MTSS1: variants seen among roughly 807,000 people sequenced by gnomAD.
MTSS1 encodes the protein protein MTSS 1.
In MTSS1, 18 loss-of-function variants were observed where a neutral mutation model predicts 79.0. That is an observed-to-expected ratio of 0.23 (90% CI 0.16 to 0.34). The LOEUF (loss-of-function observed/expected upper bound fraction) is 0.34. Among genes scored for constraint, MTSS1 ranks in the 10% least tolerant of loss-of-function variants. The pLI is 1.00. For missense variants in MTSS1, 815 were observed against 986.2 expected (o/e 0.83, Z 2.33); for synonymous variants, 341 against 368.6 (o/e 0.93, Z 0.86).
chr8:124,555,535 T>C (rs765971566), intron 13 of MTSS1, among the ~76,000 whole-genome samples: 5 of 152,190 alleles, frequency 3.3e-5, no homozygotes, highest in Non-Finnish European at 4.4e-5. Flanking sequence ...CGTGAGCCAC[T>C]GCGCCCGACC....
At chr8:124,658,842 G>A (rs1049297012) in intron 3 of MTSS1, among the ~76,000 whole-genome samples, 1 of 152,138 alleles carries the variant, frequency 6.6e-6, no homozygotes, top group Non-Finnish European at 1.5e-5. Flanking sequence ...CATGAGATTT[G>A]GGCAGGGACA....
chr8:124,609,059 G>GGGCTAGAATGTTTCACC (rs1835325638), intron 3 of MTSS1, among the ~76,000 whole-genome samples: 1 of 152,172 alleles, frequency 6.6e-6, no homozygotes, highest in Admixed American at 6.5e-5. Flanking sequence ...GGAGTGAAAG[G>GGGCTAGAATGTTTCACC]GGCTAGAATG....
Position 124,591,330 on chromosome 8 carries a change from C to T in MTSS1, c.209-95G>A, listed in dbSNP as rs1587061017. ...TTTACAAACAAGTCAGATTTCACCACATTGTAAAATATAAGCCACCATCTT... is the reference window on the plus strand; with the variant it reads ...TTTACAAACAAGTCAGATTTCACCATATTGTAAAATATAAGCCACCATCTT... On this transcript the variant is annotated intron_variant, in intron 3 of 13. Coordinates refer to ENST00000518547, the MANE Select transcript of MTSS1 (RefSeq NM_014751.6). 1.2e-4 allele frequency: 122 copies of T among 1,014,048 alleles called. 3 individuals carry two copies. In the South Asian group the frequency reaches 1.5e-3, roughly 13 times the overall value. 62.8% of individuals were successfully genotyped at this position (1,014,048 alleles called of 1,614,324 possible).
rs747243821 is a variant in MTSS1 at position 124,572,743 on chromosome 8, C to CTTTTTTTTT, written c.461-4216_461-4208dup. Among the ~76,000 whole-genome samples, 13 of 123,670 alleles carry CTTTTTTTTT rather than the reference C, an allele frequency of 1.1e-4. 1 individual carries two copies. The highest frequency in any genetic ancestry group is 2.6e-4 in the South Asian group (1 of 3,792). 81.1% of individuals were successfully genotyped at this position (123,670 alleles called of 152,430 possible). A position where few individuals can be genotyped will look rare whatever the true frequency, so the allele number is the denominator to read the frequency against. The stretch of plus-strand genomic sequence containing the variant: ...TGGGCTACTTTCTTTCTTTTCTTTT[C>CTTTTTTTTT]TTTTTTTTTTTTTTTTTGAGACAGA... On this transcript the variant is annotated intron_variant, in intron 6 of 13. Coordinates refer to ENST00000518547, the MANE Select transcript of MTSS1 (RefSeq NM_014751.6).
chr8:124,713,835 C>T (rs777519957), intron 1 of MTSS1, among the ~76,000 whole-genome samples: 7 of 150,962 alleles, frequency 4.6e-5, no homozygotes, highest in Non-Finnish European at 8.9e-5. Context: ...GCTGCCTCGA[C>T]TTCCCAGGCC....
intron 3 of MTSS1, among the ~76,000 whole-genome samples, chr8:124,647,513 C>T (rs1415636671): frequency 6.6e-6 from 1 of 152,070 alleles, no homozygotes; most frequent in African/African-American, 2.4e-5. Context: ...AGTCACCATG[C>T]TATACAATAG....
chr8:124,660,947 A>T (rs1173814653), intron 3 of MTSS1, among the ~76,000 whole-genome samples: 1 of 152,218 alleles, frequency 6.6e-6, no homozygotes, highest in Admixed American at 6.5e-5. Context: ...GCACACGTAC[A>T]CACACGCACA....
At chr8:124,723,307 T>C (rs1029746851) in intron 1 of MTSS1, among the ~76,000 whole-genome samples, 5 of 152,206 alleles carry the variant, frequency 3.3e-5, no homozygotes, top group Admixed American at 2.6e-4. Flanking sequence ...AATGAGTATA[T>C]GTTACTCTAG....
At chr8:124,680,173 T>C (rs1825904276) in intron 3 of MTSS1, among the ~76,000 whole-genome samples, 1 of 152,230 alleles carries the variant, frequency 6.6e-6, no homozygotes, top group Non-Finnish European at 1.5e-5. Flanking sequence ...CAAGATGAGA[T>C]GTTTAAATGG....
At chr8:124,607,029 T>C (rs1326857786) in intron 3 of MTSS1, among the ~76,000 whole-genome samples, 2 of 152,286 alleles carry the variant, frequency 1.3e-5, no homozygotes, top group East Asian at 1.9e-4. Context: ...CTTAGCTGAA[T>C]TCAGGATCCT....
At position 124,560,292 on chromosome 8, in the gene MTSS1, AG is replaced by A. The variant is rs567911336; in HGVS notation, c.1036-2418del. 1.8e-4 allele frequency among the ~76,000 whole-genome samples: 28 copies of A among 152,330 alleles called. 1 individual carries two copies. In the South Asian group the frequency reaches 5.6e-3, roughly 30 times the overall value. ...TCCTGGCACTTTGGGAGGCCAAGGC[AG>A]GAAGACTGCTTGAGGCTAGGAATTG... On this transcript the variant is annotated intron_variant, in intron 10 of 13. Coordinates refer to ENST00000518547, the MANE Select transcript of MTSS1 (RefSeq NM_014751.6).
At position 124,578,578 on chromosome 8, in the gene MTSS1, C is replaced by T. The variant is rs187040300; in HGVS notation, c.460+6509G>A. On this transcript the variant is annotated intron_variant, in intron 6 of 13. Transcript: ENST00000518547. ...GGGAGGCCAAGGCAACAGGATCACC[C>T]GAGGTCAGGAGTTCAAGACCATCCT... Among the ~76,000 whole-genome samples, 207 of 151,054 alleles carry T rather than the reference C, an allele frequency of 1.4e-3. 4 individuals are homozygous for T. The highest frequency in any genetic ancestry group is 2.6e-3 in the East Asian group (13 of 5,008).
chr8:124,629,442 A>T (rs1335075075), intron 3 of MTSS1, among the ~76,000 whole-genome samples: 1 of 143,244 alleles, frequency 7.0e-6, no homozygotes, highest in East Asian at 2.2e-4. Flanking sequence ...GCGTTAACCC[A>T]GAGGTGGAGC....
chr8:124,651,924 C>A (rs1361867757), intron 3 of MTSS1, among the ~76,000 whole-genome samples: 1 of 152,140 alleles, frequency 6.6e-6, no homozygotes, highest in Non-Finnish European at 1.5e-5. Context: ...GTGGGCCAGT[C>A]CTTGTCTGTC....
intron 3 of MTSS1, among the ~76,000 whole-genome samples, chr8:124,685,393 G>C (rs183893261): frequency 6.6e-6 from 1 of 152,340 alleles, no homozygotes; most frequent in African/African-American, 2.4e-5. Flanking sequence ...CACTTTGGGA[G>C]GCCAAGGTGG....
chr8:124,641,212 A>C (rs1179077272), intron 3 of MTSS1, among the ~76,000 whole-genome samples: 1 of 152,220 alleles, frequency 6.6e-6, no homozygotes, highest in Non-Finnish European at 1.5e-5. Flanking sequence ...ATGGAAGACC[A>C]CAGTCACTTT....
chr8:124,582,515 A>G lies in MTSS1; in HGVS notation c.460+2572T>C, dbSNP rs570211042. ...CCAGAGAATTTTTAGATCAAAGATCAGAGTTTTTGAAAAAGGCATGGCAGG... is the reference window on the plus strand; with the variant it reads ...CCAGAGAATTTTTAGATCAAAGATCGGAGTTTTTGAAAAAGGCATGGCAGG... On this transcript the variant is annotated intron_variant, in intron 6 of 13. Transcript: ENST00000518547. The surrounding 1 kb of genome is among the most constrained non-coding windows in gnomAD (Gnocchi z 4.8). 6.6e-6 allele frequency among the ~76,000 whole-genome samples: 1 copy of G among 152,334 alleles called. No homozygotes were observed. Among genetic ancestry groups the G allele is most frequent in the African/African-American group, 2.4e-5 (1 of 41,576 alleles).
At chr8:124,704,271 T>C in intron 1 of MTSS1, 80 bp from the exon 2 acceptor site, 1 of 1,210,150 alleles carries the variant, frequency 8.3e-7, no homozygotes, top group Non-Finnish European at 1.2e-6. Context: ...CCAATTCCAA[T>C]CATGCAGGGA....
In MTSS1 at chr8:124,597,070, A is replaced by G. The variant is rs1255375747; in HGVS notation, c.209-5835T>C. On this transcript the variant is annotated intron_variant, in intron 3 of 13. Coordinates refer to ENST00000518547, the MANE Select transcript of MTSS1 (RefSeq NM_014751.6). The surrounding 1 kb of genome is among the most constrained non-coding windows in gnomAD (Gnocchi z 4.6). ...GGGTGCGCCGCAGTCCACGGCCCAC[A>G]TCCTACCGTGCAGCAAAAACTAACG... 6.6e-6 allele frequency among the ~76,000 whole-genome samples: 1 copy of G among 152,176 alleles called. No individual in the cohort carries two copies. Among genetic ancestry groups the G allele is most frequent in the African/African-American group, 2.4e-5 (1 of 41,444 alleles).
Sources: gnomAD v4.1 joint callset for allele counts (sites outside exome capture counted in the v4.1 genomes callset) on GRCh38, gnomAD v4.1.1 for gene constraint, Gnocchi (gnomAD v3.1) non-coding constraint, MANE v1.5 for transcripts, NCBI Gene and HGNC (gene_info 2026-07-23, HGNC 2026-07-21) for gene names.